FSIP1: variants seen among roughly 807,000 people sequenced by gnomAD.
The protein encoded by FSIP1 is fibrous sheath-interacting protein 1.
A neutral mutation model predicts 60.9 loss-of-function variants in FSIP1; 65 were observed. The ratio of observed to expected loss-of-function variants is 1.07; its 90% CI spans 0.87 to 1.31. FSIP1 has a LOEUF of 1.31. Among genes scored for constraint, FSIP1 ranks in the 40% most tolerant of loss-of-function variants. The pLI is 0.00. For synonymous variants in FSIP1, 209 were observed against 221.2 expected, an observed-to-expected ratio of 0.94 and a Z score of 0.49; for missense variants, 675 against 665.5, an observed-to-expected ratio of 1.01 and a Z score of -0.16.
At chr15:39,661,111 T>C (rs954637504) in intron 10 of FSIP1, among the ~76,000 whole-genome samples, 1 of 152,094 alleles carries the variant, frequency 6.6e-6, no homozygotes, top group Non-Finnish European at 1.5e-5. Flanking sequence ...ATTAGAAAAT[T>C]AACCATTTGA....
At chr15:39,628,155 G>A (rs16969429) in intron 10 of FSIP1, among the ~76,000 whole-genome samples, 3 of 152,016 alleles carry the variant, frequency 2.0e-5, no homozygotes, top group African/African-American at 4.8e-5. Flanking sequence ...TATCTGGGAC[G>A]AGAGCAGCAG....
At chr15:39,732,619 CAAAAAAA>C (rs56106819) in intron 8 of FSIP1, among the ~76,000 whole-genome samples, 10 of 80,134 alleles carry the variant, frequency 1.2e-4, no homozygotes, top group East Asian at 8.8e-4. Flanking sequence ...AACTCCATCT[CAAAAAAA>C]AAAAAAAAAA....
At chr15:39,689,029 C>T (rs1315809669) in intron 10 of FSIP1, among the ~76,000 whole-genome samples, 2 of 152,282 alleles carry the variant, frequency 1.3e-5, no homozygotes, top group East Asian at 1.9e-4. Flanking sequence ...GCCTCTCTGA[C>T]CTGGACTCTC....
chr15:39,679,266 C>G (rs1894064570), intron 10 of FSIP1, among the ~76,000 whole-genome samples: 1 of 152,070 alleles, frequency 6.6e-6, no homozygotes, highest in Non-Finnish European at 1.5e-5. Context: ...AATAAGGAAC[C>G]CTGAATATCT....
At chr15:39,734,729 A>C (rs1896543555) in intron 8 of FSIP1, among the ~76,000 whole-genome samples, 1 of 152,204 alleles carries the variant, frequency 6.6e-6, no homozygotes, top group Non-Finnish European at 1.5e-5. Flanking sequence ...TAAATAAAAT[A>C]TAAAGTTTGA....
At position 39,653,710 on chromosome 15, in the gene FSIP1, A is replaced by G. The variant is rs186582400; in HGVS notation, c.1189-35465T>C. ...AGTCTCAAGAGATCTGATAGCTTTA[A>G]AAGGGGGAATTTCCTTGCACAAGCC... On this transcript the variant is annotated intron_variant, in intron 10 of 11. Transcript: ENST00000350221. Among the ~76,000 whole-genome samples the G allele has an allele frequency of 7.8e-4, 118 of 152,228 alleles. 1 individual carries two copies. Among genetic ancestry groups the G allele is most frequent in the Admixed American group, 1.3e-3 (20 of 15,296 alleles).
chr15:39,746,197 A>G (rs1317854408), intron 5 of FSIP1, among the ~76,000 whole-genome samples: 1 of 152,180 alleles, frequency 6.6e-6, no homozygotes, highest in Non-Finnish European at 1.5e-5. Context: ...CACCAACACA[A>G]ATGATAGAAA....
chr15:39,608,162 A>T (rs968812074), intron 11 of FSIP1, among the ~76,000 whole-genome samples: 1 of 152,256 alleles, frequency 6.6e-6, no homozygotes, highest in Non-Finnish European at 1.5e-5. Context: ...CTTATTATGT[A>T]ATAAACAGAA....
intron 10 of FSIP1, among the ~76,000 whole-genome samples, chr15:39,686,585 T>A (rs555153158): frequency 6.6e-6 from 1 of 152,380 alleles, no homozygotes; most frequent in South Asian, 2.1e-4. Flanking sequence ...GAGCAAAGGC[T>A]GTGACTAACT....
rs547221681 is a variant in FSIP1, at chr15:39,670,545, G to A, written c.1188+42899C>T. Among the ~76,000 whole-genome samples the A allele has an allele frequency of 5.3e-5, 8 of 152,190 alleles. No individual in the cohort carries two copies. In the South Asian group the frequency reaches 1.0e-3, roughly 20 times the overall value. ...AGCCCAGGCTGGAGTGCAGTGGTGCGATCATAGCTCACTGCAGCCTCAATA... is the reference window on the plus strand; with the variant it reads ...AGCCCAGGCTGGAGTGCAGTGGTGCAATCATAGCTCACTGCAGCCTCAATA... On this transcript the variant is annotated intron_variant, in intron 10 of 11. Transcript: ENST00000350221.
At chr15:39,754,415 G>C (rs1025230066) in intron 5 of FSIP1, among the ~76,000 whole-genome samples, 3 of 152,010 alleles carry the variant, frequency 2.0e-5, no homozygotes, top group African/African-American at 7.2e-5. Flanking sequence ...GGGGTAATTT[G>C]TTACACAGCA....
chr15:39,684,155 G>C (rs1206352884), intron 10 of FSIP1, among the ~76,000 whole-genome samples: 2 of 152,224 alleles, frequency 1.3e-5, no homozygotes, highest in South Asian at 4.1e-4. Context: ...GGAAAAATAA[G>C]ATTGGAAAAA....
chr15:39,619,794 G>A (rs561565294), intron 10 of FSIP1, among the ~76,000 whole-genome samples: 16 of 152,140 alleles, frequency 1.1e-4, no homozygotes, highest in African/African-American at 2.9e-4. Flanking sequence ...GAAAGAGCCC[G>A]CTGAGTGTCA....
chr15:39,762,343 G>A (rs1897530367), intron 5 of FSIP1, among the ~76,000 whole-genome samples: 1 of 152,142 alleles, frequency 6.6e-6, no homozygotes, highest in Non-Finnish European at 1.5e-5. Flanking sequence ...TCCTTGGCTT[G>A]TAGCTACATC....
At chr15:39,770,293 ATGT>A in intron 3 of FSIP1, 131 bp downstream of exon 3, 1 of 551,514 alleles carries the variant, frequency 1.8e-6, no homozygotes, top group Non-Finnish European at 2.9e-6. Context: ...CAAATAGTCT[ATGT>A]CTTTTTTTTG....
intron 10 of FSIP1, among the ~76,000 whole-genome samples, chr15:39,627,868 CCA>C (rs1891707892): frequency 6.6e-6 from 1 of 152,234 alleles, no homozygotes; most frequent in South Asian, 2.1e-4. Flanking sequence ...CCCCACTGCT[CCA>C]CACTAAGACA....
intron 11 of FSIP1, chr15:39,602,316 A>G: frequency 2.2e-6 from 1 of 456,198 alleles, no homozygotes; most frequent in Non-Finnish European, 4.4e-6. Flanking sequence ...AAGCTGGAAG[A>G]AGCATGGAAG....
intron 3 of FSIP1, 141 bp downstream of exon 3, chr15:39,770,286 A>C (rs1595403977): frequency 1.9e-6 from 1 of 513,438 alleles, no homozygotes; most frequent in East Asian, 3.3e-5. Flanking sequence ...TTGCTCACAA[A>C]TAGTCTATGT....
intron 10 of FSIP1, among the ~76,000 whole-genome samples, chr15:39,698,823 T>A (rs1230959101): frequency 6.6e-6 from 1 of 152,224 alleles, no homozygotes; most frequent in African/African-American, 2.4e-5. Context: ...ATGTTAACCA[T>A]TTTATACCTG....
Sources: allele counts gnomAD v4.1 joint callset (sites outside exome capture counted in the v4.1 genomes callset), GRCh38; gene constraint gnomAD v4.1.1; transcripts MANE v1.5; gene names NCBI Gene and HGNC (gene_info 2026-07-23, HGNC 2026-07-21).